SLC27A1: variants seen among roughly 807,000 people sequenced by gnomAD.
SLC27A1 encodes long-chain fatty acid transport protein 1.
Under a neutral mutation model 62.2 loss-of-function variants are expected in SLC27A1, and 61 were observed. That is an observed-to-expected ratio of 0.98 (90% CI 0.80 to 1.21). The LOEUF is 1.21. Ranked by LOEUF, SLC27A1 falls within the 50% of genes most tolerant of loss-of-function variation. SLC27A1 has a pLI of 0.00. For missense variants in SLC27A1, 903 were observed against 932.1 expected (o/e 0.97, Z 0.41); for synonymous variants, 435 against 408.6 (o/e 1.06, Z -0.78).
chr19:17,485,088 G>C (rs566350460), intron 1 of SLC27A1, among the ~76,000 whole-genome samples: 1 of 152,236 alleles, frequency 6.6e-6, no homozygotes, highest in African/African-American at 2.4e-5. Flanking sequence ...AGCCAGGAAG[G>C]GGTGGGGACC....
intron 3 of SLC27A1, 21 bp downstream of exon 3, chr19:17,487,356 C>CTGCTCTATCAACTGGT (rs1423774074): frequency 3.8e-6 from 6 of 1,593,882 alleles, no homozygotes; most frequent in Non-Finnish European, 5.1e-6. Flanking sequence ...GGTGGGACCC[C>CTGCTCTATCAACTGGT]TGCTCTATCA....
At chr19:17,493,016 G>A (rs1568419705) in intron 6 of SLC27A1, among the ~76,000 whole-genome samples, 2 of 151,604 alleles carry the variant, frequency 1.3e-5, no homozygotes, top group Non-Finnish European at 2.9e-5. Context: ...CCAGCTATTT[G>A]GGAGGCTGAG....
rs1309749926 is a variant in SLC27A1 at position 17,476,554 on chromosome 19, A to G, written c.167+5847A>G. ...CTCTGTCTCAAAAAAAAAAAAAAAA[A>G]GGAAAAAAAAAGACGCAGGCATTGG... On this transcript the variant is annotated intron_variant, in intron 1 of 11. Transcript: ENST00000252595. Among the ~76,000 whole-genome samples the G allele has an allele frequency of 1.8e-4, 24 of 134,746 alleles. No homozygotes were observed. The South Asian group carries it at 3.7e-3, about 21-fold the overall frequency. 88.4% of individuals were successfully genotyped at this position (134,746 alleles called of 152,430 possible). A position where few individuals can be genotyped will look rare whatever the true frequency, so the allele number is the denominator to read the frequency against.
rs371123118 is a variant in SLC27A1, at chr19:17,494,244, C to T, written c.997-3011C>T. Reference sequence around the variant, plus strand: ...TTCACGGTGTTAGCCAGGATGGTCTCGATCTCCTGACCTCATGATCTGCCC... The same window carrying T: ...TTCACGGTGTTAGCCAGGATGGTCTTGATCTCCTGACCTCATGATCTGCCC... On this transcript the variant is annotated intron_variant, in intron 6 of 11. Transcript: ENST00000252595. Among the ~76,000 whole-genome samples, 224 of 151,762 alleles carry T rather than the reference C, an allele frequency of 1.5e-3. 10 individuals are homozygous for T. The South Asian group carries it at 0.045, about 30-fold the overall frequency.
At chr19:17,488,786 G>T in intron 4 of SLC27A1, 62 bp from the exon 5 acceptor site, 2 of 1,479,632 alleles carry the variant, frequency 1.4e-6, no homozygotes, top group Non-Finnish European at 1.9e-6. Context: ...GCTTCCCCAT[G>T]CCTGTACCCT....
At chr19:17,494,862 G>A (rs1414424165) in intron 6 of SLC27A1, among the ~76,000 whole-genome samples, 2 of 151,802 alleles carry the variant, frequency 1.3e-5, no homozygotes, top group Non-Finnish European at 2.9e-5. Context: ...TTGGGTTGGG[G>A]GCTGCCAGAG....
intron 1 of SLC27A1, among the ~76,000 whole-genome samples, chr19:17,484,813 G>A (rs2075212743): frequency 6.6e-6 from 1 of 152,186 alleles, no homozygotes. Context: ...TGGGGGGTGT[G>A]AGCAGCCATT....
At position 17,487,269 on chromosome 19, in the gene SLC27A1, C is replaced by T. The variant is rs1259874661; in HGVS notation, c.658C>T (p.Leu220=). ...GGGCATCTTGCCGGACACCCACCTC[C>T]TGGACCCGCTGCTGAAGGAGGCCTC... The part of the protein sequence containing the change: ...PEGILPDTHL[L]DPLLKEASTA... Residue 220 remains leucine, a synonymous_variant, in exon 3 of 12, where the codon CTG becomes TTG. Transcript: ENST00000252595. 3 of 1,613,924 alleles carry T rather than the reference C, an allele frequency of 1.9e-6. No homozygotes were observed. Among genetic ancestry groups the T allele is most frequent in the South Asian group, 1.1e-5 (1 of 91,072 alleles).
At position 17,504,499 on chromosome 19, in the gene SLC27A1, G is replaced by A. The variant is rs1424743095; in HGVS notation, c.1828G>A (p.Asp610Asn). ...GACGAGGCTGCAGCGAGAGGGCTTT[G>A]ACCCACGCCAGACCTCAGACCGGCT... ...QKTRLQREGF[D>N]PRQTSDRLFF... Residue 610 changes from aspartate (D) to asparagine (N), a missense_variant, in exon 12 of 12, where the codon GAC becomes AAC. Coordinates refer to ENST00000252595, the MANE Select transcript of SLC27A1 (RefSeq NM_198580.3). 1.2e-6 allele frequency: 2 copies of A among 1,614,160 alleles called. No homozygotes were observed. The highest frequency in any genetic ancestry group is 2.2e-5 in the South Asian group (2 of 91,084).
At chr19:17,492,664 G>A (rs1464600622) in intron 6 of SLC27A1, among the ~76,000 whole-genome samples, 2 of 150,832 alleles carry the variant, frequency 1.3e-5, no homozygotes, top group Non-Finnish European at 3.0e-5. Flanking sequence ...GGGGCCGGGC[G>A]CAGTGTCTTA....
upstream of SLC27A1, chr19:17,470,415 C>CG (rs1568406918): frequency 2.7e-5 from 31 of 1,157,496 alleles, no homozygotes; most frequent in Admixed American, 2.2e-4. Flanking sequence ...CCCGGACTCG[C>CG]GGGGGGCGCA....
intron 10 of SLC27A1, 150 bp from the exon 11 acceptor site, chr19:17,501,123 C>A: frequency 7.9e-7 from 1 of 1,266,912 alleles, no homozygotes; most frequent in East Asian, 2.4e-5. Context: ...GCAGGAGCTC[C>A]ACAAAATGTG....
At chr19:17,499,661 A>AT (rs1467278327) in intron 7 of SLC27A1, among the ~76,000 whole-genome samples, 1 of 151,292 alleles carries the variant, frequency 6.6e-6, no homozygotes, top group Non-Finnish European at 1.5e-5. Flanking sequence ...CAAAAAAAAA[A>AT]AAAATTGTTT....
chr19:17,487,382 G>T (rs1391903155), intron 3 of SLC27A1, 47 bp downstream of exon 3: 2 of 857,436 alleles, frequency 2.3e-6, no homozygotes. Context: ...TTTCCTACCC[G>T]CCCAGGCCCC....
intron 3 of SLC27A1, 44 bp downstream of exon 3, chr19:17,487,379 C>G (rs773809654): frequency 1.3e-6 from 2 of 1,548,458 alleles, no homozygotes; most frequent in African/African-American, 2.8e-5. Flanking sequence ...TGGTTTCCTA[C>G]CCGCCCAGGC....
At chr19:17,481,274 A>G (rs2075175252) in intron 1 of SLC27A1, among the ~76,000 whole-genome samples, 1 of 149,718 alleles carries the variant, frequency 6.7e-6, no homozygotes, top group Admixed American at 6.7e-5. Flanking sequence ...CATGGCCTCC[A>G]GCTGCATCCA....
intron 6 of SLC27A1, among the ~76,000 whole-genome samples, chr19:17,494,435 C>G (rs529426550): frequency 4.7e-4 from 71 of 152,096 alleles, no homozygotes; most frequent in African/African-American, 1.7e-3. Flanking sequence ...TCAGGTGATT[C>G]TCCTGCCTCA....
chr19:17,483,832 A>C (rs2075203232), intron 1 of SLC27A1: 1 of 152,416 alleles, frequency 6.6e-6, no homozygotes, highest in Non-Finnish European at 1.5e-5. Context: ...GGGCCTTTGC[A>C]CTGGCTGCAT....
At chr19:17,494,671 G>A (rs1039000498) in intron 6 of SLC27A1, among the ~76,000 whole-genome samples, 2 of 152,058 alleles carry the variant, frequency 1.3e-5, no homozygotes, top group African/African-American at 4.8e-5. Flanking sequence ...ATCCCCTGCT[G>A]CAAGCTTCCA....
Sources: allele counts gnomAD v4.1 joint callset (sites outside exome capture counted in the v4.1 genomes callset), GRCh38; gene constraint gnomAD v4.1.1; transcripts MANE v1.5; gene names NCBI Gene and HGNC (gene_info 2026-07-23, HGNC 2026-07-21).